Variants in PPM1L observed in about 807,000 individuals in gnomAD.
The protein encoded by PPM1L is protein phosphatase, Mg2+/Mn2+ dependent 1L.
A neutral mutation model predicts 31.4 loss-of-function variants in PPM1L; 13 were observed. That is an observed-to-expected ratio of 0.41 (90% CI 0.27 to 0.66). PPM1L has a LOEUF of 0.66. Ranked by LOEUF, PPM1L falls within the 30% of genes least tolerant of loss-of-function variation. The pLI is 0.29. For synonymous variants in PPM1L, 184 were observed against 175.4 expected (o/e 1.05, Z -0.39); for missense variants, 326 against 453.7 (o/e 0.72, Z 2.56).
chr3:160,849,577 C>T (rs57802907), intron 1 of PPM1L, among the ~76,000 whole-genome samples: 4,079 of 151,890 alleles, frequency 0.027, 191 homozygotes, highest in African/African-American at 0.092. Context: ...CCCACCACCA[C>T]GCCCGGCTAA....
At chr3:160,910,485 T>C (rs970627633) in intron 1 of PPM1L, among the ~76,000 whole-genome samples, 21 of 152,004 alleles carry the variant, frequency 1.4e-4, no homozygotes, top group Non-Finnish European at 2.9e-4. Context: ...CTAATTTTTG[T>C]ATTTTTAGTA....
chr3:160,990,340 T>C (rs965194426), intron 2 of PPM1L, among the ~76,000 whole-genome samples: 5 of 152,158 alleles, frequency 3.3e-5, no homozygotes, highest in African/African-American at 1.2e-4. Flanking sequence ...CATCCTAAAA[T>C]GAAATTCATA....
In PPM1L at chr3:160,909,843, C is replaced by T. The variant is rs557348638; in HGVS notation, c.400-51893C>T. Among the ~76,000 whole-genome samples the T allele has an allele frequency of 1.1e-4, 16 of 152,168 alleles. 1 individual carries two copies. In the South Asian group the frequency reaches 3.3e-3, roughly 32 times the overall value. ...TTGTAAATTAGTCCTTTCTTTTTCCCCCAGGAGCTTTAAATTCTGCCCATG... is the reference window on the plus strand; with the variant it reads ...TTGTAAATTAGTCCTTTCTTTTTCCTCCAGGAGCTTTAAATTCTGCCCATG... On this transcript the variant is annotated intron_variant, in intron 1 of 3. Coordinates refer to ENST00000498165, the MANE Select transcript of PPM1L (RefSeq NM_139245.4).
rs764148348 is a variant in PPM1L, at chr3:161,061,600, AAAC to A, written c.575-3800_575-3798del. Among the ~76,000 whole-genome samples, 7 of 152,334 alleles carry A rather than the reference AAAC, an allele frequency of 4.6e-5. No homozygotes were observed. The East Asian group carries it at 7.7e-4, about 17-fold the overall frequency. ...ACAATATAACATCATACAAATTAAA[AAAC>A]AATATAACAACTATTTACGTAGCAT... On this transcript the variant is annotated intron_variant, in intron 2 of 3. Transcript: ENST00000498165.
chr3:160,967,496 G>T (rs1025704606), intron 2 of PPM1L, among the ~76,000 whole-genome samples: 2 of 151,890 alleles, frequency 1.3e-5, no homozygotes, highest in Admixed American at 1.3e-4. Context: ...TTACATGGCA[G>T]GAGGGCTGAG....
At position 161,076,937 on chromosome 3, in the gene PPM1L, C is replaced by T. The variant is rs2108120526; in HGVS notation, c.*7780C>T. The T allele has an allele frequency of 1.3e-5, 2 of 152,250 alleles. No homozygotes were observed. The highest frequency in any genetic ancestry group is 3.9e-4 in the East Asian group (2 of 5,174). 9.4% of individuals were successfully genotyped at this position (152,250 alleles called of 1,614,324 possible). A position where few individuals can be genotyped will look rare whatever the true frequency, so the allele number is the denominator to read the frequency against. ...TGAACAGATTACATTGGGAAAGTCA[C>T]TATTATTGCTGTGTGTTTGTATATT... On this transcript the variant is annotated 3_prime_UTR_variant, in exon 4 of 4. Coordinates refer to ENST00000498165, the MANE Select transcript of PPM1L (RefSeq NM_139245.4).
intron 1 of PPM1L, among the ~76,000 whole-genome samples, chr3:160,824,508 G>A (rs1329615789): frequency 6.6e-6 from 1 of 152,166 alleles, no homozygotes; most frequent in African/African-American, 2.4e-5. Flanking sequence ...AAGGTCATAG[G>A]CTGGAATCCT....
chr3:160,967,512 T>C (rs1005754253), intron 2 of PPM1L, among the ~76,000 whole-genome samples: 1 of 151,898 alleles, frequency 6.6e-6, no homozygotes, highest in African/African-American at 2.4e-5. Context: ...CTGAGAGATT[T>C]ATCTGGGGCC....
chr3:160,941,308 G>A (rs1300815906), intron 1 of PPM1L, among the ~76,000 whole-genome samples: 1 of 152,072 alleles, frequency 6.6e-6, no homozygotes, highest in East Asian at 1.9e-4. Flanking sequence ...GAGGACTGTT[G>A]GGAAGGCATG....
chr3:161,021,344 T>A (rs1322360295), intron 2 of PPM1L, among the ~76,000 whole-genome samples: 1 of 152,062 alleles, frequency 6.6e-6, no homozygotes, highest in African/African-American at 2.4e-5. Flanking sequence ...TTTTCCAAAT[T>A]TATTCTGCTA....
intron 2 of PPM1L, chr3:161,022,132 A>ATTT: frequency 2.8e-5 from 17 of 614,162 alleles, no homozygotes; most frequent in Admixed American, 1.0e-4. Context: ...TTTTAATTCC[A>ATTT]TTTTTTTTTT....
At chr3:160,830,514 A>G (rs1713495385) in intron 1 of PPM1L, among the ~76,000 whole-genome samples, 1 of 152,108 alleles carries the variant, frequency 6.6e-6, no homozygotes, top group South Asian at 2.1e-4. Context: ...TTTAGGATTA[A>G]TTTTTCTAAA....
intron 1 of PPM1L, among the ~76,000 whole-genome samples, chr3:160,932,062 C>T (rs892540012): frequency 2.6e-5 from 4 of 151,712 alleles, no homozygotes; most frequent in Non-Finnish European, 5.9e-5. Context: ...AGCAGGGATC[C>T]AAGGGAAGGA....
intron 1 of PPM1L, among the ~76,000 whole-genome samples, chr3:160,833,329 G>A (rs116315642): frequency 0.037 from 5,698 of 152,114 alleles, 136 homozygotes; most frequent in Middle Eastern, 0.068. Flanking sequence ...GGTATTTGAG[G>A]TTCTAGGTAT....
intron 1 of PPM1L, among the ~76,000 whole-genome samples, chr3:160,797,794 C>T (rs889520957): frequency 1.3e-5 from 2 of 152,136 alleles, no homozygotes; most frequent in African/African-American, 2.4e-5. Context: ...TGTATGAAAC[C>T]TGAGAGAGGT....
intron 1 of PPM1L, among the ~76,000 whole-genome samples, chr3:160,832,583 T>G (rs960193937): frequency 2.0e-5 from 3 of 152,104 alleles, no homozygotes; most frequent in African/African-American, 7.2e-5. Flanking sequence ...GATTGTAAAT[T>G]CACAGGAAGT....
In PPM1L at chr3:161,069,277, C is replaced by T; in HGVS notation, c.*120C>T. 1 of 780,618 alleles carries T rather than the reference C, an allele frequency of 1.3e-6. No individual in the cohort carries two copies. Among genetic ancestry groups the T allele is most frequent in the Non-Finnish European group, 2.0e-6 (1 of 501,334 alleles). The allele number at this position is 780,618 out of a possible 1,614,324, so 48.4% of individuals were successfully genotyped here. ...CATCCACCCCAGACATGGAATCCCC[C>T]CTCCCTGGTGGTCTTAGGTCTATAA... On this transcript the variant is annotated 3_prime_UTR_variant, in exon 4 of 4. Transcript: ENST00000498165.
chr3:160,843,665 G>A (rs1011649850), intron 1 of PPM1L, among the ~76,000 whole-genome samples: 7 of 151,248 alleles, frequency 4.6e-5, no homozygotes, highest in Non-Finnish European at 1.0e-4. Context: ...CCCTTCCTGT[G>A]TCCAAGTGTT....
chr3:160,804,508 G>C (rs907098880), intron 1 of PPM1L, among the ~76,000 whole-genome samples: 1 of 152,122 alleles, frequency 6.6e-6, no homozygotes, highest in African/African-American at 2.4e-5. Context: ...TCAAGCATTA[G>C]TTCTTTACTG....
Sources: gnomAD v4.1 joint callset for allele counts (sites outside exome capture counted in the v4.1 genomes callset) on GRCh38, gnomAD v4.1.1 for gene constraint, MANE v1.5 for transcripts, NCBI Gene and HGNC (gene_info 2026-07-23, HGNC 2026-07-21) for gene names.